Variants in RYR3 observed in about 807,000 individuals in gnomAD.
The protein encoded by RYR3 is brain ryanodine receptor-calcium release channel.
A neutral mutation model predicts 584.3 loss-of-function variants in RYR3; 207 were observed. The ratio of observed to expected loss-of-function variants is 0.35; its 90% CI spans 0.32 to 0.40. The LOEUF (loss-of-function observed/expected upper bound fraction) is 0.40. Among genes scored for constraint, RYR3 ranks in the 10% least tolerant of loss-of-function variants. The probability of loss-of-function intolerance (pLI) is 1.00; values close to 1 mark genes in which losing one functional copy is unlikely to be tolerated. For synonymous variants in RYR3, 2,416 were observed against 2,248.5 expected (o/e 1.07, Z -2.11); for missense variants, 5,616 against 6,089.2 (o/e 0.92, Z 2.59).
chr15:33,602,328 C>CT (rs1328121988), intron 17 of RYR3, among the ~76,000 whole-genome samples: 1 of 152,214 alleles, frequency 6.6e-6, no homozygotes, highest in Non-Finnish European at 1.5e-5. Flanking sequence ...CATAAAAACT[C>CT]TAAGTGGTGT....
intron 1 of RYR3, among the ~76,000 whole-genome samples, chr15:33,404,456 T>A (rs2042886368): frequency 6.6e-6 from 1 of 152,224 alleles, no homozygotes; most frequent in African/African-American, 2.4e-5. Context: ...GGTTCTTCTA[T>A]ACGGTTCTCT....
chr15:33,725,202 C>CACACAT lies in RYR3; in HGVS notation c.6912+1027_6912+1028insCACATA, dbSNP rs1391087187. On this transcript the variant is annotated intron_variant, in intron 45 of 103. Coordinates refer to ENST00000634891, the MANE Select transcript of RYR3 (RefSeq NM_001036.6). ...ACACACACACACACACACACACACA[C>CACACAT]ATATATACATCCCTTCTTAGGACCC... is the stretch of plus-strand genomic sequence containing the variant. 4.4e-3 allele frequency among the ~76,000 whole-genome samples: 487 copies of CACACAT among 110,912 alleles called. 2 individuals are homozygous for CACACAT. Among genetic ancestry groups the CACACAT allele is most frequent in the African/African-American group, 0.014 (465 of 32,330 alleles). The allele number at this position is 110,912 out of a possible 152,430, so 72.8% of individuals were successfully genotyped here.
At chr15:33,746,324 A>G (rs1300481338) in intron 53 of RYR3, among the ~76,000 whole-genome samples, 167 bp downstream of exon 53, 1 of 152,228 alleles carries the variant, frequency 6.6e-6, no homozygotes. Flanking sequence ...CCTCAGGACC[A>G]GTTTCCGAGA....
intron 26 of RYR3, 132 bp downstream of exon 26, chr15:33,635,951 T>C: frequency 1.4e-6 from 1 of 733,160 alleles, no homozygotes; most frequent in South Asian, 1.7e-5. Context: ...AATGTAGACA[T>C]TGAATGGGCA....
chr15:33,864,166 G>A lies in RYR3; in HGVS notation c.14494G>A (p.Asp4832Asn), dbSNP rs778733980. The A allele has an allele frequency of 6.2e-7, 1 of 1,612,050 alleles. No individual in the cohort carries two copies. The highest frequency in any genetic ancestry group is 8.5e-7 in the Non-Finnish European group (1 of 1,178,836). The change falls in exon 103 of 104, where the codon GAT becomes AAT. Residue 4832 changes from aspartate (D) to asparagine (N), a missense_variant. By Grantham distance (23) the Asp-to-Asn change is conservative. This residue lies in a region of RYR3 where 918 missense variants were observed against 887.4 expected (regional missense o/e 1.03). Coordinates refer to ENST00000634891, the MANE Select transcript of RYR3 (RefSeq NM_001036.6). ...CTTTCTGATGTATTTGATTAATAAA[G>A]ATGAAACAGAGCACACGGGTCAGGT... The part of the protein sequence containing the change: ...LFFLMYLINK[D>N]ETEHTGQESY...
intron 38 of RYR3, among the ~76,000 whole-genome samples, chr15:33,681,026 T>C (rs185787221): frequency 7.2e-5 from 11 of 152,338 alleles, no homozygotes; most frequent in South Asian, 2.1e-4. Context: ...CTTTCTGTGT[T>C]TAATGTCAGC....
intron 92 of RYR3, 108 bp downstream of exon 92, chr15:33,843,682 C>G (rs1182816436): frequency 5.2e-6 from 4 of 769,554 alleles, no homozygotes; most frequent in Non-Finnish European, 8.4e-6. Flanking sequence ...AGCAAACATT[C>G]TAATAGGTAG....
chr15:33,710,124 A>G (rs1376359763), intron 43 of RYR3, among the ~76,000 whole-genome samples: 1 of 152,198 alleles, frequency 6.6e-6, no homozygotes, highest in Non-Finnish European at 1.5e-5. Context: ...TGCTATAAAG[A>G]AATACCTGAG....
chr15:33,433,014 G>A (rs926263042), intron 1 of RYR3, among the ~76,000 whole-genome samples: 6 of 151,732 alleles, frequency 4.0e-5, no homozygotes, highest in African/African-American at 1.5e-4. Context: ...TTCTTCAACT[G>A]GTCTGTCCAT....
chr15:33,449,213 T>C (rs2046909629), intron 1 of RYR3, among the ~76,000 whole-genome samples: 1 of 152,204 alleles, frequency 6.6e-6, no homozygotes, highest in Non-Finnish European at 1.5e-5. Context: ...GTCACCTTAG[T>C]GCTCCGCTGG....
At chr15:33,677,685 G>A (rs113500796) in intron 38 of RYR3, among the ~76,000 whole-genome samples, 222 of 152,288 alleles carry the variant, frequency 1.5e-3, no homozygotes, top group Non-Finnish European at 2.3e-3. Context: ...GTCTGGCTAG[G>A]GAAGCAGTTC....
At chr15:33,639,673 C>A (rs1247090697) in intron 27 of RYR3, among the ~76,000 whole-genome samples, 1 of 152,134 alleles carries the variant, frequency 6.6e-6, no homozygotes, top group African/African-American at 2.4e-5. Flanking sequence ...AAGCCTTTTG[C>A]CCTTTTGGGG....
At chr15:33,559,751 T>C (rs2057302798) in intron 10 of RYR3, among the ~76,000 whole-genome samples, 1 of 152,154 alleles carries the variant, frequency 6.6e-6, no homozygotes, top group South Asian at 2.1e-4. Context: ...TTGCTGCCTC[T>C]AACAAGAAGG....
intron 1 of RYR3, among the ~76,000 whole-genome samples, chr15:33,348,217 C>G (rs1215465427): frequency 6.6e-6 from 1 of 152,160 alleles, no homozygotes; most frequent in Non-Finnish European, 1.5e-5. Context: ...TTGTTCAGTT[C>G]TAGTATACAT....
chr15:33,397,144 G>C (rs2042346804), intron 1 of RYR3, among the ~76,000 whole-genome samples: 1 of 152,158 alleles, frequency 6.6e-6, no homozygotes, highest in Non-Finnish European at 1.5e-5. Context: ...TTCTTATAAA[G>C]GGTTACAACC....
At chr15:33,384,928 G>T (rs1000552516) in intron 1 of RYR3, among the ~76,000 whole-genome samples, 1 of 152,020 alleles carries the variant, frequency 6.6e-6, no homozygotes, top group African/African-American at 2.4e-5. Context: ...ACACTATAGC[G>T]GAAGCATTTA....
intron 49 of RYR3, 116 bp from the exon 50 acceptor site, chr15:33,738,334 C>A: frequency 9.6e-7 from 1 of 1,045,770 alleles, no homozygotes; most frequent in Non-Finnish European, 1.4e-6. Flanking sequence ...CCAGCTGTTT[C>A]GCATGTTTCA....
intron 3 of RYR3, among the ~76,000 whole-genome samples, chr15:33,529,546 C>T (rs2054673776): frequency 6.6e-6 from 1 of 152,030 alleles, no homozygotes; most frequent in South Asian, 2.1e-4. Flanking sequence ...TAAGAGGTGT[C>T]CTTGAAGAAA....
chr15:33,678,644 T>C (rs1355558074), intron 38 of RYR3, among the ~76,000 whole-genome samples: 1 of 152,200 alleles, frequency 6.6e-6, no homozygotes, highest in African/African-American at 2.4e-5. Flanking sequence ...GAAGCCGATA[T>C]AGAAAGATAG....
Sources: gnomAD v4.1 joint callset for allele counts (sites outside exome capture counted in the v4.1 genomes callset) on GRCh38, gnomAD v4.1.1 for gene constraint, gnomAD v4.1.1 regional missense constraint, MANE v1.5 for transcripts, NCBI Gene and HGNC (gene_info 2026-07-23, HGNC 2026-07-21) for gene names.